Variants in CCDC171 observed in about 807,000 individuals in gnomAD.
The protein encoded by CCDC171 is coiled-coil domain containing 171.
CCDC171 carries 177 observed loss-of-function variants against 168.2 expected under a neutral mutation model. That is an observed-to-expected ratio of 1.05 (90% CI 0.93 to 1.19). The LOEUF (loss-of-function observed/expected upper bound fraction) is 1.19, where lower values mean the gene tolerates loss of function less well. Ranked by LOEUF, CCDC171 falls within the 50% of genes most tolerant of loss-of-function variation. The pLI is 0.00. For missense variants in CCDC171, 1,991 were observed against 1,539.0 expected, an observed-to-expected ratio of 1.29 and a Z score of -4.91; for synonymous variants, 687 against 540.8, an observed-to-expected ratio of 1.27 and a Z score of -3.75.
intron 18 of CCDC171, among the ~76,000 whole-genome samples, chr9:15,749,481 A>C (rs1053268534): frequency 1.3e-5 from 2 of 152,204 alleles, no homozygotes; most frequent in African/African-American, 4.8e-5. Flanking sequence ...CCTAATAGAC[A>C]TCTACAGAAC....
chr9:15,744,210 A>G, intron 16 of CCDC171, 63 bp from the exon 17 acceptor site: 1 of 1,353,476 alleles, frequency 7.4e-7, no homozygotes, highest in South Asian at 1.5e-5. Context: ...CTTTGAGTAA[A>G]GGGAAATTAA....
At chr9:15,844,734 T>C (rs2060823961) in intron 21 of CCDC171, among the ~76,000 whole-genome samples, 1 of 152,076 alleles carries the variant, frequency 6.6e-6, no homozygotes. Flanking sequence ...AATGAAAGAA[T>C]GGAAACGAGA....
At chr9:15,947,662 C>T (rs184930183) in intron 25 of CCDC171, among the ~76,000 whole-genome samples, 7 of 151,996 alleles carry the variant, frequency 4.6e-5, no homozygotes, top group Middle Eastern at 6.8e-3. Flanking sequence ...AATGTTCCTA[C>T]GAATGTGGGT....
chr9:16,082,398 G>A, the CCDC171 span, among the ~76,000 whole-genome samples: 3 of 152,170 alleles, frequency 2.0e-5, no homozygotes, highest in African/African-American at 7.2e-5. Context: ...TTAGATGTTC[G>A]GTCTCTCTTC....
chr9:15,999,052 C>G (rs188348555), intron 3 of CCDC171, among the ~76,000 whole-genome samples: 1 of 151,728 alleles, frequency 6.6e-6, no homozygotes, highest in Non-Finnish European at 1.5e-5. Context: ...GGGCAGCATA[C>G]ATTTTTTTTT....
At chr9:16,009,933 C>G (rs1197801102) in intron 3 of CCDC171, among the ~76,000 whole-genome samples, 1 of 152,130 alleles carries the variant, frequency 6.6e-6, no homozygotes, top group African/African-American at 2.4e-5. Flanking sequence ...GCTGGCAACT[C>G]TGTTAAAAAT....
At chr9:15,575,216 A>T (rs1587072722) in intron 3 of CCDC171, among the ~76,000 whole-genome samples, 1 of 122,204 alleles carries the variant, frequency 8.2e-6, no homozygotes, top group South Asian at 2.6e-4. Flanking sequence ...CCCAGGTTGG[A>T]GTGCAATGGT....
At chr9:15,780,141 A>G (rs1300554260) in intron 20 of CCDC171, among the ~76,000 whole-genome samples, 4 of 152,240 alleles carry the variant, frequency 2.6e-5, no homozygotes, top group Non-Finnish European at 5.9e-5. Context: ...AGTGTTAATT[A>G]TTATTTCAAG....
chr9:15,870,022 A>G (rs1254556808), intron 23 of CCDC171, among the ~76,000 whole-genome samples: 3 of 151,648 alleles, frequency 2.0e-5, no homozygotes, highest in South Asian at 2.1e-4. Flanking sequence ...GGTGAACCAT[A>G]TGGTCTTTGT....
intron 3 of CCDC171, among the ~76,000 whole-genome samples, chr9:16,012,727 A>G (rs1832903006): frequency 6.6e-6 from 1 of 151,948 alleles, no homozygotes; most frequent in Admixed American, 6.6e-5. Context: ...CTCTGAGGTC[A>G]TTTGTTTGTG....
chr9:16,036,788 G>C (rs1046197448), intron 8 of CCDC171, among the ~76,000 whole-genome samples: 4 of 152,186 alleles, frequency 2.6e-5, no homozygotes, highest in African/African-American at 9.7e-5. Context: ...ATGTGGTCTA[G>C]GAATATCTGA....
intron 7 of CCDC171, among the ~76,000 whole-genome samples, chr9:15,626,392 A>C (rs904563020): frequency 1.3e-5 from 2 of 152,184 alleles, no homozygotes; most frequent in African/African-American, 4.8e-5. Context: ...GTCTTGGGCC[A>C]GTTTTCAAAG....
At chr9:15,808,410 A>G (rs10962168) in intron 21 of CCDC171, among the ~76,000 whole-genome samples, 1 of 152,200 alleles carries the variant, frequency 6.6e-6, no homozygotes, top group Non-Finnish European at 1.5e-5. Context: ...ATTAGACAAG[A>G]AGACAGAGGG....
Position 15,743,325 on chromosome 9 carries a change from C to G in CCDC171, c.2050-948C>G, listed in dbSNP as rs116357324. ...TAACTATAGGTGTACACCACTATTC[C>G]TGTCTTAATTTTTTTTATTTTTTAT... is the stretch of plus-strand genomic sequence containing the variant. On this transcript the variant is annotated intron_variant, in intron 16 of 25. Transcript: ENST00000380701. Among the ~76,000 whole-genome samples the G allele has an allele frequency of 4.7e-3, 715 of 151,786 alleles. 2 individuals are homozygous for G. The highest frequency in any genetic ancestry group is 0.017 in the African/African-American group (699 of 41,410).
chr9:16,072,922 T>G, the CCDC171 span, among the ~76,000 whole-genome samples: 202 of 152,224 alleles, frequency 1.3e-3, 1 homozygote, highest in Non-Finnish European at 2.6e-3. Flanking sequence ...CCTTTGTTAT[T>G]CCTGCTATTT....
rs1169503013 is a variant in CCDC171, at chr9:15,781,969, T to G, written c.3082-2540T>G. Among the ~76,000 whole-genome samples the G allele has an allele frequency of 2.0e-5, 3 of 152,272 alleles. No homozygotes were observed. The East Asian group carries it at 5.8e-4, about 29-fold the overall frequency. On this transcript the variant is annotated intron_variant, in intron 20 of 25. Transcript: ENST00000380701. ...TTAATGGAAATGACAGACTTTGAAC[T>G]TGGTTCCTGTGGCTCTAAAACTCAT...
intron 3 of CCDC171, among the ~76,000 whole-genome samples, chr9:16,019,381 G>T (rs1361288813): frequency 6.6e-6 from 1 of 152,184 alleles, no homozygotes. Context: ...GGATAGATGA[G>T]GGGCCATCTC....
rs528650923 is a variant in CCDC171 at position 15,789,174 on chromosome 9, G to A, written c.3267+4480G>A. Among the ~76,000 whole-genome samples, 217 of 152,202 alleles carry A rather than the reference G, an allele frequency of 1.4e-3. 1 individual carries two copies. Among genetic ancestry groups the A allele is most frequent in the African/African-American group, 5.1e-3 (210 of 41,552 alleles). The stretch of plus-strand genomic sequence containing the variant: ...AATGCTCTAAAATCAAACTTTTTGA[G>A]CACTGACATGACACTCAAAGTAAAT... On this transcript the variant is annotated intron_variant, in intron 21 of 25. Transcript: ENST00000380701.
intron 6 of CCDC171, among the ~76,000 whole-genome samples, chr9:15,600,585 G>A (rs1204002638): frequency 6.6e-6 from 1 of 152,158 alleles, no homozygotes; most frequent in Admixed American, 6.5e-5. Context: ...CGGGGGTCCG[G>A]GACCCACTTG....
Sources: allele counts gnomAD v4.1 joint callset (sites outside exome capture counted in the v4.1 genomes callset), GRCh38; gene constraint gnomAD v4.1.1; transcripts MANE v1.5; gene names NCBI Gene and HGNC (gene_info 2026-07-23, HGNC 2026-07-21).